The following AGPAT1 variants were observed in gnomAD, a reference collection of about 807,000 sequenced individuals.
The protein encoded by AGPAT1 is 1-acyl-sn-glycerol-3-phosphate acyltransferase alpha.
A neutral mutation model predicts 31.2 loss-of-function variants in AGPAT1; 6 were observed. That is an observed-to-expected ratio of 0.19 (90% CI 0.11 to 0.38). The LOEUF is 0.38. AGPAT1 is among the 10% of genes least tolerant of loss of function. The pLI is 1.00. For synonymous variants in AGPAT1, 139 were observed against 154.0 expected, an observed-to-expected ratio of 0.90 and a Z score of 0.72; for missense variants, 187 against 377.8, an observed-to-expected ratio of 0.49 and a Z score of 4.19.
rs982989001 is a variant in AGPAT1, at chr6:32,169,554, C to T, written c.680-106G>A. On this transcript the variant is annotated intron_variant, in intron 6 of 6. Transcript: ENST00000375107. This position sits in a 1 kb window ranked among gnomAD's most constrained non-coding sequence, Gnocchi z 5.9. Reference sequence around the variant, plus strand: ...TTCCTCAACCTTTCAGTTCTCTTCCCCCAACCCTGGACAACCATCCCTGGG... The same window carrying T: ...TTCCTCAACCTTTCAGTTCTCTTCCTCCAACCCTGGACAACCATCCCTGGG... 1.1e-5 allele frequency: 15 copies of T among 1,398,464 alleles called. No homozygotes were observed. Among genetic ancestry groups the T allele is most frequent in the African/African-American group, 5.7e-5 (4 of 70,508 alleles). 86.6% of individuals were successfully genotyped at this position (1,398,464 alleles called of 1,614,324 possible).
rs1236955897 is a variant in AGPAT1, at chr6:32,170,262, T to A, written c.511-2A>T. On this transcript the variant is annotated splice_acceptor_variant, in intron 4 of 6. Transcript: ENST00000375107. LOFTEE classifies it high-confidence loss of function. The surrounding 1 kb of genome is among the most constrained non-coding windows in gnomAD (Gnocchi z 7.7). ...CTCAGGAAACACCCAGACCCTCACCTGGGGGAGAAAGAGGGTCAAAGAAGA... is the reference window on the plus strand; with the variant it reads ...CTCAGGAAACACCCAGACCCTCACCAGGGGGAGAAAGAGGGTCAAAGAAGA... The A allele has an allele frequency of 6.2e-7, 1 of 1,612,766 alleles. No homozygotes were observed. The highest frequency in any genetic ancestry group is 8.5e-7 in the Non-Finnish European group (1 of 1,179,370).
Position 32,170,125 on chromosome 6 carries a change from G to T in AGPAT1, c.606+40C>A. On this transcript the variant is annotated intron_variant, in intron 5 of 6. Coordinates refer to ENST00000375107, the MANE Select transcript of AGPAT1 (RefSeq NM_006411.4). This position sits in a 1 kb window ranked among gnomAD's most constrained non-coding sequence, Gnocchi z 7.7. ...CTGCCCAGAGATGAGGGAATGGTGG[G>T]GGTTGGCAGCTGAGTAGCAGAACGA... The T allele has an allele frequency of 6.2e-7, 1 of 1,611,830 alleles. No individual in the cohort carries two copies. The highest frequency in any genetic ancestry group is 8.5e-7 in the Non-Finnish European group (1 of 1,177,944).
rs1291157658 is a variant in AGPAT1, at chr6:32,174,894, A to G, written c.-10+920T>C. Among the ~76,000 whole-genome samples, 4 of 152,196 alleles carry G rather than the reference A, an allele frequency of 2.6e-5. No individual in the cohort carries two copies. The highest frequency in any genetic ancestry group is 2.9e-5 in the Non-Finnish European group (2 of 68,032). Reference sequence around the variant, plus strand: ...TCCTGTTACATCAGTGTATCATGCAAAGGCGCATACACATGTGTTCTGTGA... The same window carrying G: ...TCCTGTTACATCAGTGTATCATGCAGAGGCGCATACACATGTGTTCTGTGA... On this transcript the variant is annotated intron_variant, in intron 1 of 6. Transcript: ENST00000375107. This position sits in a 1 kb window ranked among gnomAD's most constrained non-coding sequence, Gnocchi z 4.5.
chr6:32,171,179 A>G lies in AGPAT1; in HGVS notation c.201-109T>C. ...TGACCACCTTTGCAGTCCTCTCCCCATTCCCTGTCTCTGGTCTCTCTCAGT... is the reference window on the plus strand; with the variant it reads ...TGACCACCTTTGCAGTCCTCTCCCCGTTCCCTGTCTCTGGTCTCTCTCAGT... On this transcript the variant is annotated intron_variant, in intron 2 of 6. Transcript: ENST00000375107. The surrounding 1 kb of genome is among the most constrained non-coding windows in gnomAD (Gnocchi z 6.9). 6.3e-7 allele frequency: 1 copy of G among 1,590,308 alleles called. No individual in the cohort carries two copies. Among genetic ancestry groups the G allele is most frequent in the South Asian group, 1.1e-5 (1 of 87,748 alleles).
At position 32,172,864 on chromosome 6, in the gene AGPAT1, T is replaced by A. The variant is rs557437904; in HGVS notation, c.-9-1359A>T. On this transcript the variant is annotated intron_variant, in intron 1 of 6. Transcript: ENST00000375107. The surrounding 1 kb of genome is among the most constrained non-coding windows in gnomAD (Gnocchi z 4.3). ...TTACACCCAGTGACAGATAAAAGAATGTAAATGCATAACTAGAAAAATCCC... is the reference window on the plus strand; with the variant it reads ...TTACACCCAGTGACAGATAAAAGAAAGTAAATGCATAACTAGAAAAATCCC... 1 of 152,294 alleles carries A rather than the reference T, an allele frequency of 6.6e-6. No individual in the cohort carries two copies. Among genetic ancestry groups the A allele is most frequent in the Admixed American group, 6.5e-5 (1 of 15,296 alleles). The allele number at this position is 152,294 out of a possible 1,614,324, so 9.4% of individuals were successfully genotyped here. A position where few individuals can be genotyped will look rare whatever the true frequency, so the allele number is the denominator to read the frequency against.
At position 32,170,714 on chromosome 6, in the gene AGPAT1, C is replaced by G. The variant is rs1582661676; in HGVS notation, c.335-114G>C. Reference sequence around the variant, plus strand: ...TAGGGACTGGAGGTGAAGGAGGAGACTAGGCAGGGAGGGGGGCCCCAAGTG... The same window carrying G: ...TAGGGACTGGAGGTGAAGGAGGAGAGTAGGCAGGGAGGGGGGCCCCAAGTG... On this transcript the variant is annotated intron_variant, in intron 3 of 6. Transcript: ENST00000375107. The surrounding 1 kb of genome is among the most constrained non-coding windows in gnomAD (Gnocchi z 7.7). The G allele has an allele frequency of 1.4e-6, 2 of 1,414,930 alleles. No individual in the cohort carries two copies. Among genetic ancestry groups the G allele is most frequent in the Non-Finnish European group, 2.0e-6 (2 of 1,020,002 alleles). The allele number at this position is 1,414,930 out of a possible 1,614,324, so 87.6% of individuals were successfully genotyped here.
chr6:32,176,492 T>G (rs1582680375), upstream of AGPAT1: 1 of 985,538 alleles, frequency 1.0e-6, no homozygotes, highest in East Asian at 1.1e-4. Flanking sequence ...TCTAAACATT[T>G]ATCAAGCATC....
upstream of AGPAT1, chr6:32,176,486 A>G: frequency 1.0e-6 from 1 of 985,314 alleles, no homozygotes; most frequent in Non-Finnish European, 1.2e-6. Context: ...TTCAATTCTA[A>G]ACATTTATCA....
In AGPAT1 at chr6:32,171,767, C is replaced by A. The variant is rs1355087969; in HGVS notation, c.-9-262G>T. The A allele has an allele frequency of 1.7e-6, 1 of 586,192 alleles. No homozygotes were observed. Among genetic ancestry groups the A allele is most frequent in the African/African-American group, 1.9e-5 (1 of 53,716 alleles). 36.3% of individuals were successfully genotyped at this position (586,192 alleles called of 1,614,324 possible). A position where few individuals can be genotyped will look rare whatever the true frequency, so the allele number is the denominator to read the frequency against. ...AAGAGACACAAGACACAGACATCTA[C>A]AATTCACAGATACCTGATAATAAAT... On this transcript the variant is annotated intron_variant, in intron 1 of 6. Transcript: ENST00000375107. The surrounding 1 kb of genome is among the most constrained non-coding windows in gnomAD (Gnocchi z 6.9).
rs1361415240 is a variant in AGPAT1, at chr6:32,170,334, C to G, written c.511-74G>C. 6.2e-7 allele frequency: 1 copy of G among 1,606,130 alleles called. No individual in the cohort carries two copies. Among genetic ancestry groups the G allele is most frequent in the Non-Finnish European group, 8.5e-7 (1 of 1,173,652 alleles). On this transcript the variant is annotated intron_variant, in intron 4 of 6. Coordinates refer to ENST00000375107, the MANE Select transcript of AGPAT1 (RefSeq NM_006411.4). The surrounding 1 kb of genome is among the most constrained non-coding windows in gnomAD (Gnocchi z 7.7). ...GAATAGGTGTGATGTTATAATGGGA[C>G]CTTTGAGGCCCACTGGCCCTGCATA...
At position 32,175,965 on chromosome 6, in the gene AGPAT1, G is replaced by T; in HGVS notation, c.-161C>A. ...GGTGTCCTAGCCCCGGCCGATGGAG[G>T]GGAGGTGGGAGTGGGAGGTTGGGCC... On this transcript the variant is annotated 5_prime_UTR_variant, in exon 1 of 7. Transcript: ENST00000375107. This position sits in a 1 kb window ranked among gnomAD's most constrained non-coding sequence, Gnocchi z 4.5. 1 of 985,624 alleles carries T rather than the reference G, an allele frequency of 1.0e-6. No individual in the cohort carries two copies. 61.1% of individuals were successfully genotyped at this position (985,624 alleles called of 1,614,324 possible).
In AGPAT1 at chr6:32,171,219, C is replaced by T. The variant is rs1785068217; in HGVS notation, c.200+78G>A. The T allele has an allele frequency of 2.5e-6, 4 of 1,608,328 alleles. No individual in the cohort carries two copies. The South Asian group carries it at 3.3e-5, about 13-fold the overall frequency. ...TCTCTCTCAGTCTTTTCTACACACA[C>T]CATGCCCCCTTCCCCCAATCCACTA... On this transcript the variant is annotated intron_variant, in intron 2 of 6. Coordinates refer to ENST00000375107, the MANE Select transcript of AGPAT1 (RefSeq NM_006411.4). This position sits in a 1 kb window ranked among gnomAD's most constrained non-coding sequence, Gnocchi z 6.9.
upstream of AGPAT1, chr6:32,176,147 G>A: frequency 2.0e-6 from 2 of 985,540 alleles, no homozygotes; most frequent in Non-Finnish European, 2.4e-6. Context: ...AGTGGAGGGC[G>A]GTGATGGGCA....
At position 32,171,446 on chromosome 6, in the gene AGPAT1, C is replaced by T; in HGVS notation, c.51G>A (p.Leu17=). ...AWMLLLLLFL[L]LLFLLPTLWF... is the part of the protein sequence containing the mutation. ...ACAGGGTGGGCAGCAGGAAGAGCAGCAGCAGGAAGAGCAGCAGCAGCAGCA... is the reference window on the plus strand; with the variant it reads ...ACAGGGTGGGCAGCAGGAAGAGCAGTAGCAGGAAGAGCAGCAGCAGCAGCA... The change falls in exon 2 of 7, where the codon CTG becomes CTA. Residue 17 remains leucine (L), a synonymous_variant. Transcript: ENST00000375107. The surrounding 1 kb of genome is among the most constrained non-coding windows in gnomAD (Gnocchi z 6.9). 1.2e-6 allele frequency: 2 copies of T among 1,612,420 alleles called. No individual in the cohort carries two copies. The highest frequency in any genetic ancestry group is 2.2e-5 in the South Asian group (2 of 91,054).
At position 32,175,204 on chromosome 6, in the gene AGPAT1, A is replaced by G. The variant is rs1785426977; in HGVS notation, c.-10+610T>C. 6.6e-6 allele frequency among the ~76,000 whole-genome samples: 1 copy of G among 152,228 alleles called. No individual in the cohort carries two copies. Among genetic ancestry groups the G allele is most frequent in the Non-Finnish European group, 1.5e-5 (1 of 68,030 alleles). On this transcript the variant is annotated intron_variant, in intron 1 of 6. Coordinates refer to ENST00000375107, the MANE Select transcript of AGPAT1 (RefSeq NM_006411.4). This position sits in a 1 kb window ranked among gnomAD's most constrained non-coding sequence, Gnocchi z 4.5. Reference sequence around the variant, plus strand: ...TCAAAACTGGATGTGAGACATGGACACAAGAATGAAGAATGGGCAATTCTG... The same window carrying G: ...TCAAAACTGGATGTGAGACATGGACGCAAGAATGAAGAATGGGCAATTCTG...
In AGPAT1 at chr6:32,170,745, A is replaced by G; in HGVS notation, c.335-145T>C. ...AGGGAGGGGGGCCCCAAGTGAAGGA[A>G]AGGGTGACCAAAAGTATATGTAACC... On this transcript the variant is annotated intron_variant, in intron 3 of 6. Coordinates refer to ENST00000375107, the MANE Select transcript of AGPAT1 (RefSeq NM_006411.4). This position sits in a 1 kb window ranked among gnomAD's most constrained non-coding sequence, Gnocchi z 7.7. 1.6e-6 allele frequency: 2 copies of G among 1,267,010 alleles called. No individual in the cohort carries two copies. Among genetic ancestry groups the G allele is most frequent in the Non-Finnish European group, 2.2e-6 (2 of 889,230 alleles). The allele number at this position is 1,267,010 out of a possible 1,614,324, so 78.5% of individuals were successfully genotyped here. A position where few individuals can be genotyped will look rare whatever the true frequency, so the allele number is the denominator to read the frequency against.
Position 32,176,058 on chromosome 6 carries a change from C to CT in AGPAT1, c.-255dup, listed in dbSNP as rs1785520998. 1 of 898,810 alleles carries CT rather than the reference C, an allele frequency of 1.1e-6. No individual in the cohort carries two copies. The highest frequency in any genetic ancestry group is 1.3e-6 in the Non-Finnish European group (1 of 753,530). The allele number at this position is 898,810 out of a possible 1,614,324, so 55.7% of individuals were successfully genotyped here. A position where few individuals can be genotyped will look rare whatever the true frequency, so the allele number is the denominator to read the frequency against. On this transcript the variant is annotated 5_prime_UTR_variant, in exon 1 of 7. Transcript: ENST00000375107. ...CCCTCCCTCCCTTTCTGCTGTCTCT[C>CT]TGAGGGCTGGGGCTGCTGCCGCCGC...
upstream of AGPAT1, chr6:32,176,143 G>C (rs1561855452): frequency 1.0e-6 from 1 of 985,474 alleles, no homozygotes; most frequent in Admixed American, 6.1e-5. Context: ...AGGAAGTGGA[G>C]GGCGGTGATG....
rs188890271 is a variant in AGPAT1 at position 32,175,695 on chromosome 6, T to C, written c.-10+119A>G. ...CCCTCTTCCCAGTCGGCCCCTCTCC[T>C]TTCCCCAGCAACCCTCTCCCCCAGT... On this transcript the variant is annotated intron_variant, in intron 1 of 6. Transcript: ENST00000375107. The surrounding 1 kb of genome is among the most constrained non-coding windows in gnomAD (Gnocchi z 4.5). The C allele has an allele frequency of 2.6e-4, 116 of 452,422 alleles. 4 individuals carry two copies. The East Asian group carries it at 0.017, about 67-fold the overall frequency. The allele number at this position is 452,422 out of a possible 1,614,324, so 28.0% of individuals were successfully genotyped here.
Sources: gnomAD v4.1 joint callset for allele counts (sites outside exome capture counted in the v4.1 genomes callset) on GRCh38, gnomAD v4.1.1 for gene constraint, Gnocchi (gnomAD v3.1) non-coding constraint, MANE v1.5 for transcripts, NCBI Gene and HGNC (gene_info 2026-07-23, HGNC 2026-07-21) for gene names.